TMTC1: variants seen among roughly 807,000 people sequenced by gnomAD.
TMTC1 encodes protein O-mannosyl-transferase TMTC1.
Under a neutral mutation model 104.8 loss-of-function variants are expected in TMTC1, and 73 were observed. That is an observed-to-expected ratio of 0.70 (90% CI 0.58 to 0.85). The LOEUF (loss-of-function observed/expected upper bound fraction) is 0.85, where lower values mean the gene tolerates loss of function less well. Among genes scored for constraint, TMTC1 ranks in the 40% least tolerant of loss-of-function variants. The pLI is 0.00. For synonymous variants in TMTC1, 434 were observed against 428.7 expected, an observed-to-expected ratio of 1.01 and a Z score of -0.15; for missense variants, 1,035 against 1,096.1, an observed-to-expected ratio of 0.94 and a Z score of 0.79.
intron 5 of TMTC1, among the ~76,000 whole-genome samples, chr12:29,707,187 A>G (rs886764867): frequency 6.6e-6 from 1 of 152,168 alleles, no homozygotes; most frequent in Admixed American, 6.5e-5. Context: ...TTTTAGAACC[A>G]TGCTGGAGGG....
chr12:29,637,087 C>CACACAG (rs1565727944), intron 5 of TMTC1, among the ~76,000 whole-genome samples: 1 of 30,916 alleles, frequency 3.2e-5, no homozygotes, highest in Non-Finnish European at 1.3e-4. Context: ...AAATGAGAAA[C>CACACAG]ACACACACAC....
chr12:29,574,125 G>A (rs1019203767), intron 8 of TMTC1, among the ~76,000 whole-genome samples: 1 of 152,198 alleles, frequency 6.6e-6, no homozygotes, highest in African/African-American at 2.4e-5. Context: ...GAGGTGGCAG[G>A]TGGCAGGACA....
chr12:29,745,150 A>C (rs1257019572), intron 5 of TMTC1, among the ~76,000 whole-genome samples: 1 of 152,066 alleles, frequency 6.6e-6, no homozygotes. Context: ...CTATAGCAAA[A>C]CACCGCCATT....
intron 5 of TMTC1, among the ~76,000 whole-genome samples, chr12:29,668,955 A>G (rs1253442053): frequency 6.6e-6 from 1 of 152,252 alleles, no homozygotes; most frequent in Non-Finnish European, 1.5e-5. Context: ...AGTGCCATCC[A>G]TGTACCGTGG....
chr12:29,500,939 C>T lies in TMTC1; in HGVS notation c.*5907G>A, dbSNP rs1943573464. ...ATCATTAGACTCAATGGGAGAAATA[C>T]TTTATGGAAGATAAATTCTAACGGG... On this transcript the variant is annotated 3_prime_UTR_variant, in exon 18 of 18. Coordinates refer to ENST00000539277, the MANE Select transcript of TMTC1 (RefSeq NM_001193451.2). 6.6e-6 allele frequency: 1 copy of T among 151,996 alleles called. No homozygotes were observed. Among genetic ancestry groups the T allele is most frequent in the Non-Finnish European group, 1.5e-5 (1 of 67,922 alleles). 9.4% of individuals were successfully genotyped at this position (151,996 alleles called of 1,614,324 possible).
intron 14 of TMTC1, among the ~76,000 whole-genome samples, chr12:29,516,712 AAT>A (rs1462445227): frequency 6.6e-6 from 1 of 152,146 alleles, no homozygotes; most frequent in Non-Finnish European, 1.5e-5. Flanking sequence ...AGAAACACTA[AAT>A]ATATCCAGTG....
At chr12:29,659,252 G>C (rs1939901541) in intron 5 of TMTC1, among the ~76,000 whole-genome samples, 1 of 152,212 alleles carries the variant, frequency 6.6e-6, no homozygotes, top group Non-Finnish European at 1.5e-5. Context: ...GATATGGTTT[G>C]TTTGTCCCCA....
intron 11 of TMTC1, among the ~76,000 whole-genome samples, chr12:29,525,331 C>T (rs1592171357): frequency 6.6e-6 from 1 of 151,566 alleles, no homozygotes; most frequent in East Asian, 1.9e-4. Context: ...TACAGGCACC[C>T]ATCACCACAC....
intron 8 of TMTC1, among the ~76,000 whole-genome samples, chr12:29,578,017 A>G (rs1339180796): frequency 3.9e-5 from 6 of 152,086 alleles, no homozygotes; most frequent in African/African-American, 1.4e-4. Context: ...GTGATTATAG[A>G]AATGAATACA....
chr12:29,651,085 C>G (rs1939498217), intron 5 of TMTC1, among the ~76,000 whole-genome samples: 1 of 152,208 alleles, frequency 6.6e-6, no homozygotes, highest in Non-Finnish European at 1.5e-5. Context: ...GGGCACATGA[C>G]TACTTCTGGC....
rs186645984 is a variant in TMTC1 at position 29,653,592 on chromosome 12, C to G, written c.939-20256G>C. On this transcript the variant is annotated intron_variant, in intron 5 of 17. Transcript: ENST00000539277. ...CTCAAGTGGAAAGTAGAAGCATTTA[C>G]TATTCAACTTCATGCCACTAAATGG... Among the ~76,000 whole-genome samples, 71 of 137,720 alleles carry G rather than the reference C, an allele frequency of 5.2e-4. 1 individual carries two copies. The highest frequency in any genetic ancestry group is 2.1e-3 in the South Asian group (9 of 4,338). The allele number at this position is 137,720 out of a possible 152,430, so 90.3% of individuals were successfully genotyped here. A position where few individuals can be genotyped will look rare whatever the true frequency, so the allele number is the denominator to read the frequency against.
At chr12:29,705,291 G>A (rs1941709630) in intron 5 of TMTC1, among the ~76,000 whole-genome samples, 1 of 152,208 alleles carries the variant, frequency 6.6e-6, no homozygotes, top group Non-Finnish European at 1.5e-5. Flanking sequence ...TCTAGTGTAA[G>A]AGACTAGAAT....
intron 5 of TMTC1, among the ~76,000 whole-genome samples, chr12:29,676,392 T>A (rs1940726301): frequency 6.6e-6 from 1 of 152,218 alleles, no homozygotes; most frequent in Non-Finnish European, 1.5e-5. Flanking sequence ...CTGGGTCCTA[T>A]CACTATTATC....
chr12:29,745,634 AAAAAAG>A (rs1942935939), intron 5 of TMTC1, among the ~76,000 whole-genome samples: 2 of 151,584 alleles, frequency 1.3e-5, no homozygotes, highest in South Asian at 4.1e-4. Context: ...AAAAAAAAAA[AAAAAAG>A]AAAGAAGCTG....
intron 9 of TMTC1, among the ~76,000 whole-genome samples, chr12:29,567,198 G>C (rs745657083): frequency 1.3e-5 from 2 of 152,134 alleles, no homozygotes; most frequent in African/African-American, 2.4e-5. Context: ...TGTTCCCGAG[G>C]GTGCTCCTTA....
intron 5 of TMTC1, among the ~76,000 whole-genome samples, chr12:29,720,133 G>C (rs1942196327): frequency 6.6e-6 from 1 of 152,198 alleles, no homozygotes; most frequent in Non-Finnish European, 1.5e-5. Context: ...AGGTCATAAT[G>C]CTATCATGTT....
Position 29,669,335 on chromosome 12 carries a change from T to C in TMTC1, c.939-35999A>G, listed in dbSNP as rs373038903. On this transcript the variant is annotated intron_variant, in intron 5 of 17. Coordinates refer to ENST00000539277, the MANE Select transcript of TMTC1 (RefSeq NM_001193451.2). ...TTTCACTCCGGGACTTCATGGCCCA[T>C]TGTGGAGTTTAGACTTTATTCTGAT... Among the ~76,000 whole-genome samples the C allele has an allele frequency of 3.9e-5, 6 of 152,156 alleles. 1 individual carries two copies. In the East Asian group the frequency reaches 1.2e-3, roughly 29 times the overall value.
At chr12:29,616,873 A>C (rs2136446401) in intron 6 of TMTC1, among the ~76,000 whole-genome samples, 1 of 152,234 alleles carries the variant, frequency 6.6e-6, no homozygotes, top group Non-Finnish European at 1.5e-5. Flanking sequence ...ATCAGTGTTT[A>C]TAGAGATAAC....
At chr12:29,601,362 GC>G (rs762605844) in intron 7 of TMTC1, among the ~76,000 whole-genome samples, 15 of 152,140 alleles carry the variant, frequency 9.9e-5, no homozygotes, top group Non-Finnish European at 2.2e-4. Flanking sequence ...AAAAATTCCA[GC>G]CCTTCACTCT....
Sources: gnomAD v4.1 joint callset for allele counts (sites outside exome capture counted in the v4.1 genomes callset) on GRCh38, gnomAD v4.1.1 for gene constraint, MANE v1.5 for transcripts, NCBI Gene and HGNC (gene_info 2026-07-23, HGNC 2026-07-21) for gene names.